KCNH7: variants seen among roughly 807,000 people sequenced by gnomAD.
KCNH7 encodes the protein voltage-gated inwardly rectifying potassium channel KCNH7.
Under a neutral mutation model 120.8 loss-of-function variants are expected in KCNH7, and 49 were observed. The ratio of observed to expected loss-of-function variants is 0.41; its 90% confidence interval spans 0.32 to 0.51. The LOEUF (loss-of-function observed/expected upper bound fraction) is 0.51. KCNH7 is among the 20% of genes least tolerant of loss of function. The pLI is 0.38. For synonymous variants in KCNH7, 547 were observed against 516.1 expected, an observed-to-expected ratio of 1.06 and a Z score of -0.81; for missense variants, 1,097 against 1,446.6, an observed-to-expected ratio of 0.76 and a Z score of 3.92.
chr2:162,395,667 TAATAAC>T (rs1271083149), intron 11 of KCNH7, among the ~76,000 whole-genome samples: 1 of 151,784 alleles, frequency 6.6e-6, no homozygotes, highest in Non-Finnish European at 1.5e-5. Flanking sequence ...CATATGTTCT[TAATAAC>T]TAGAATCTTT....
At chr2:162,506,914 G>A (rs7594516) in intron 5 of KCNH7, among the ~76,000 whole-genome samples, 2 of 151,662 alleles carry the variant, frequency 1.3e-5, no homozygotes, top group Non-Finnish European at 3.0e-5. Context: ...GTCACAATTC[G>A]CCTGCCTTAA....
At chr2:162,496,669 C>T (rs140239857) in intron 6 of KCNH7, among the ~76,000 whole-genome samples, 12 of 152,186 alleles carry the variant, frequency 7.9e-5, no homozygotes, top group Admixed American at 7.9e-4. Flanking sequence ...AGCAAAAAAT[C>T]CTGCATCAGT....
intron 2 of KCNH7, among the ~76,000 whole-genome samples, chr2:162,570,431 C>T (rs1479078226): frequency 6.6e-6 from 1 of 151,888 alleles, no homozygotes; most frequent in Non-Finnish European, 1.5e-5. Flanking sequence ...TGTCTCTGCA[C>T]ATGAGATGGG....
chr2:162,776,013 ACAACATCTGGCT>A (rs1683222485), intron 2 of KCNH7, among the ~76,000 whole-genome samples: 1 of 152,208 alleles, frequency 6.6e-6, no homozygotes, highest in African/African-American at 2.4e-5. Flanking sequence ...TGTGCATGAA[ACAACATCTGGCT>A]CATAAGCAGT....
rs537650315 is a variant in KCNH7 at position 162,491,364 on chromosome 2, T to C, written c.1128+13079A>G. ...GGCAGCTTTTCTATGCAAGAGGTTT[T>C]TTTGTTTCCTTTGAGAGGCATTTTA... On this transcript the variant is annotated intron_variant, in intron 6 of 15. Transcript: ENST00000332142. 3.3e-5 allele frequency among the ~76,000 whole-genome samples: 5 copies of C among 152,318 alleles called. No homozygotes were observed. The South Asian group carries it at 1.0e-3, about 32-fold the overall frequency.
chr2:162,495,448 T>A (rs938080953), intron 6 of KCNH7, among the ~76,000 whole-genome samples: 1 of 152,280 alleles, frequency 6.6e-6, no homozygotes, highest in East Asian at 1.9e-4. Context: ...TTAAAAGGTC[T>A]TATCTGAGAT....
chr2:162,695,735 T>C (rs1559086159), intron 2 of KCNH7, among the ~76,000 whole-genome samples: 1 of 152,148 alleles, frequency 6.6e-6, no homozygotes, highest in African/African-American at 2.4e-5. Flanking sequence ...TTAGGCCCTG[T>C]AGCTCTTGAA....
In KCNH7 at chr2:162,826,023, G is replaced by GAC. The variant is rs1685273728; in HGVS notation, c.307+10513_307+10514insGT. 1.1e-4 allele frequency among the ~76,000 whole-genome samples: 14 copies of GAC among 126,626 alleles called. 1 individual carries two copies. In the South Asian group the frequency reaches 4.1e-3, roughly 37 times the overall value. 83.1% of individuals were successfully genotyped at this position (126,626 alleles called of 152,430 possible). A position where few individuals can be genotyped will look rare whatever the true frequency, so the allele number is the denominator to read the frequency against. On this transcript the variant is annotated intron_variant, in intron 2 of 15. Coordinates refer to ENST00000332142, the MANE Select transcript of KCNH7 (RefSeq NM_033272.4). ...GTTAAATCACTTTGACAGAGACAGA[G>GAC]AGTAGAGATATAAGTCCTTGTTGAA...
intron 2 of KCNH7, among the ~76,000 whole-genome samples, chr2:162,601,912 T>C (rs964579345): frequency 9.9e-5 from 15 of 152,104 alleles, no homozygotes; most frequent in African/African-American, 3.6e-4. Flanking sequence ...GAAAGTAGTT[T>C]AGTTGTGAGA....
At chr2:162,610,294 A>G (rs761137017) in intron 2 of KCNH7, among the ~76,000 whole-genome samples, 2 of 151,266 alleles carry the variant, frequency 1.3e-5, no homozygotes, top group Non-Finnish European at 2.9e-5. Context: ...AATTTGATGT[A>G]CCACAGTTCC....
chr2:162,753,591 T>G (rs1228568477), intron 2 of KCNH7, among the ~76,000 whole-genome samples: 3 of 152,132 alleles, frequency 2.0e-5, no homozygotes, highest in Non-Finnish European at 1.5e-5. Context: ...ATATTTTTTT[T>G]CAATAATTTG....
chr2:162,548,615 G>C (rs1476887474), intron 2 of KCNH7, among the ~76,000 whole-genome samples: 2 of 152,024 alleles, frequency 1.3e-5, no homozygotes, highest in Non-Finnish European at 2.9e-5. Flanking sequence ...CTGAGTGATA[G>C]GTTATTTGTT....
chr2:162,463,819 A>G (rs1689227549), intron 6 of KCNH7, among the ~76,000 whole-genome samples: 1 of 151,890 alleles, frequency 6.6e-6, no homozygotes, highest in South Asian at 2.1e-4. Flanking sequence ...AAGTAAAAAA[A>G]AAAAAAGCAT....
At position 162,489,478 on chromosome 2, in the gene KCNH7, G is replaced by C. The variant is rs115549123; in HGVS notation, c.1128+14965C>G. 5.1e-3 allele frequency among the ~76,000 whole-genome samples: 784 copies of C among 152,234 alleles called. 7 individuals carry two copies. The highest frequency in any genetic ancestry group is 0.018 in the African/African-American group (763 of 41,524). On this transcript the variant is annotated intron_variant, in intron 6 of 15. Transcript: ENST00000332142. ...GACCCACATGCAGCTCACGGGCTGA[G>C]GGCTATACAAGCTTGGACTAGATAA...
chr2:162,667,023 T>C (rs950253884), intron 2 of KCNH7, among the ~76,000 whole-genome samples: 3 of 147,352 alleles, frequency 2.0e-5, no homozygotes, highest in Non-Finnish European at 3.0e-5. Context: ...TTTTTCTTTT[T>C]TTTTTTTTTT....
At chr2:162,568,193 C>T (rs1451851069) in intron 2 of KCNH7, among the ~76,000 whole-genome samples, 5 of 151,926 alleles carry the variant, frequency 3.3e-5, no homozygotes, top group Admixed American at 6.6e-5. Context: ...CTCACTATCA[C>T]GAGAACAACA....
At position 162,497,290 on chromosome 2, in the gene KCNH7, CTTT is replaced by C. The variant is rs1574030283; in HGVS notation, c.1128+7150_1128+7152del. Among the ~76,000 whole-genome samples the C allele has an allele frequency of 2.0e-5, 3 of 152,116 alleles. 1 individual carries two copies. The highest frequency in any genetic ancestry group is 3.8e-4 in the East Asian group (2 of 5,196). Reference sequence around the variant, plus strand: ...AAAAGGCCATAATCTTTCAGTTCTTCTTTAAGTCAGTAATATCAGGGTGGTTTT... The same window carrying C: ...AAAAGGCCATAATCTTTCAGTTCTTCAAGTCAGTAATATCAGGGTGGTTTT... On this transcript the variant is annotated intron_variant, in intron 6 of 15. Coordinates refer to ENST00000332142, the MANE Select transcript of KCNH7 (RefSeq NM_033272.4).
chr2:162,746,419 T>G (rs559797739), intron 2 of KCNH7, among the ~76,000 whole-genome samples: 11 of 152,266 alleles, frequency 7.2e-5, no homozygotes, highest in Non-Finnish European at 1.5e-4. Context: ...TTAAAATATT[T>G]ATAGTGAATT....
chr2:162,489,687 A>T, intron 6 of KCNH7, among the ~76,000 whole-genome samples: 1 of 152,190 alleles, frequency 6.6e-6, no homozygotes, highest in East Asian at 1.9e-4. Flanking sequence ...ATCCATAATT[A>T]CCCTAATGAC....
Sources: allele counts gnomAD v4.1 joint callset (sites outside exome capture counted in the v4.1 genomes callset), GRCh38; gene constraint gnomAD v4.1.1; transcripts MANE v1.5; gene names NCBI Gene and HGNC (gene_info 2026-07-23, HGNC 2026-07-21).